CTNND2: variants seen among roughly 807,000 people sequenced by gnomAD.
CTNND2 encodes the protein catenin delta-2.
CTNND2 carries 22 observed loss-of-function variants against 144.4 expected under a neutral mutation model. The ratio of observed to expected loss-of-function variants is 0.15; its 90% CI spans 0.11 to 0.22. The LOEUF is 0.22. Among genes scored for constraint, CTNND2 ranks in the 10% least tolerant of loss-of-function variants. The pLI is 1.00. For synonymous variants in CTNND2, 751 were observed against 695.6 expected, an observed-to-expected ratio of 1.08 and a Z score of -1.25; for missense variants, 1,353 against 1,618.8, an observed-to-expected ratio of 0.84 and a Z score of 2.82.
At chr5:11,452,270 C>T (rs1052213732) in intron 3 of CTNND2, among the ~76,000 whole-genome samples, 8 of 152,232 alleles carry the variant, frequency 5.3e-5, no homozygotes, top group Middle Eastern at 3.4e-3. Flanking sequence ...ATAGTTTTAT[C>T]ACAAGTCCCT....
At chr5:11,499,303 T>C (rs887270074) in intron 3 of CTNND2, among the ~76,000 whole-genome samples, 8 of 152,220 alleles carry the variant, frequency 5.3e-5, no homozygotes, top group Non-Finnish European at 1.2e-4. Flanking sequence ...CTTGTCCACA[T>C]TCTAGATGAG....
rs1753652716 is a variant in CTNND2, at chr5:11,117,328, A to G, written c.2277+122T>C. 17 of 747,304 alleles carry G rather than the reference A, an allele frequency of 2.3e-5. No homozygotes were observed. In the South Asian group the frequency reaches 2.6e-4, roughly 12 times the overall value. The allele number at this position is 747,304 out of a possible 1,614,324, so 46.3% of individuals were successfully genotyped here. On this transcript the variant is annotated intron_variant, in intron 13 of 21. Coordinates refer to ENST00000304623, the MANE Select transcript of CTNND2 (RefSeq NM_001332.4). ...AGTGTTGGATTCTTATAAGGAAACC[A>G]GGAGAGAGTTCAGAAGGAAAGTCTG...
At chr5:11,662,630 A>T (rs1031141663) in intron 2 of CTNND2, among the ~76,000 whole-genome samples, 1 of 152,052 alleles carries the variant, frequency 6.6e-6, no homozygotes, top group Non-Finnish European at 1.5e-5. Context: ...ACACCCTCAC[A>T]GACTCACTCA....
chr5:11,192,173 T>C (rs1736335303), intron 11 of CTNND2, among the ~76,000 whole-genome samples: 1 of 152,266 alleles, frequency 6.6e-6, no homozygotes, highest in African/African-American at 2.4e-5. Flanking sequence ...GAAGAGACAA[T>C]GGGAATCGAG....
At chr5:11,264,785 G>T (rs1248401071) in intron 9 of CTNND2, among the ~76,000 whole-genome samples, 1 of 152,110 alleles carries the variant, frequency 6.6e-6, no homozygotes, top group Non-Finnish European at 1.5e-5. Flanking sequence ...CAAAAAATTA[G>T]CCAGGCATGA....
chr5:11,321,206 T>TTA (rs1370632018), intron 9 of CTNND2, among the ~76,000 whole-genome samples: 2 of 152,206 alleles, frequency 1.3e-5, no homozygotes, highest in African/African-American at 4.8e-5. Context: ...GGATAATGTT[T>TTA]TATACAACAG....
intron 1 of CTNND2, among the ~76,000 whole-genome samples, chr5:11,873,520 A>G (rs1187326635): frequency 1.3e-5 from 2 of 152,170 alleles, no homozygotes; most frequent in Non-Finnish European, 2.9e-5. Context: ...AAGAGATTTT[A>G]TTGACCGTCT....
intron 2 of CTNND2, among the ~76,000 whole-genome samples, chr5:11,612,712 C>G (rs771408151): frequency 1.3e-5 from 2 of 151,986 alleles, no homozygotes; most frequent in Non-Finnish European, 2.9e-5. Context: ...CCGGCCTGGG[C>G]AACATACTGA....
chr5:11,037,532 C>A (rs971536513), intron 16 of CTNND2, among the ~76,000 whole-genome samples: 1 of 152,192 alleles, frequency 6.6e-6, no homozygotes, highest in African/African-American at 2.4e-5. Flanking sequence ...CTTGTTTGCA[C>A]TGGAGGCAGA....
intron 3 of CTNND2, among the ~76,000 whole-genome samples, chr5:11,435,335 G>A (rs1297659259): frequency 1.3e-5 from 2 of 151,784 alleles, no homozygotes; most frequent in East Asian, 1.9e-4. Context: ...GTAGAGATGG[G>A]GTTTCACCGT....
At chr5:11,614,490 T>C (rs1024876292) in intron 2 of CTNND2, among the ~76,000 whole-genome samples, 1 of 152,200 alleles carries the variant, frequency 6.6e-6, no homozygotes, top group Non-Finnish European at 1.5e-5. Context: ...TTTTGGAAAA[T>C]AATTTGGCAT....
intron 3 of CTNND2, among the ~76,000 whole-genome samples, chr5:11,421,340 C>T (rs1202588387): frequency 3.9e-5 from 6 of 152,138 alleles, no homozygotes; most frequent in Non-Finnish European, 7.3e-5. Flanking sequence ...TGTGACTTTC[C>T]AGCTGTCACC....
At chr5:11,027,018 A>G (rs1680263012) in intron 16 of CTNND2, among the ~76,000 whole-genome samples, 1 of 152,224 alleles carries the variant, frequency 6.6e-6, no homozygotes, top group South Asian at 2.1e-4. Flanking sequence ...AAAATTAGTT[A>G]TATTACTTAT....
chr5:11,521,567 T>A (rs1434573454), intron 3 of CTNND2, among the ~76,000 whole-genome samples: 1 of 152,212 alleles, frequency 6.6e-6, no homozygotes, highest in Non-Finnish European at 1.5e-5. Flanking sequence ...ATAGTCAACA[T>A]TTAACTTGGG....
rs542001858 is a variant in CTNND2, at chr5:11,183,796, T to C, written c.1975+15652A>G. On this transcript the variant is annotated intron_variant, in intron 11 of 21. Coordinates refer to ENST00000304623, the MANE Select transcript of CTNND2 (RefSeq NM_001332.4). ...CTGGTCTCGAACCCCTGACCTCAAG[T>C]GATCCAATTGCCTCGGCCTCCCAAA... is the stretch of plus-strand genomic sequence containing the variant. 2.6e-5 allele frequency among the ~76,000 whole-genome samples: 4 copies of C among 152,228 alleles called. No individual in the cohort carries two copies. In the East Asian group the frequency reaches 7.7e-4, roughly 29 times the overall value.
chr5:11,436,509 A>T (rs1763789383), intron 3 of CTNND2, among the ~76,000 whole-genome samples: 1 of 152,180 alleles, frequency 6.6e-6, no homozygotes, highest in Admixed American at 6.5e-5. Flanking sequence ...CAGTATTTTG[A>T]AGTATTTTTA....
At chr5:11,460,766 C>G (rs1766132688) in intron 3 of CTNND2, among the ~76,000 whole-genome samples, 1 of 152,104 alleles carries the variant, frequency 6.6e-6, no homozygotes, top group African/African-American at 2.4e-5. Flanking sequence ...TTAAATTGCA[C>G]TCTGGCCAGG....
At chr5:11,208,918 A>T (rs1466288729) in intron 10 of CTNND2, among the ~76,000 whole-genome samples, 2 of 152,198 alleles carry the variant, frequency 1.3e-5, no homozygotes, top group African/African-American at 4.8e-5. Context: ...TATTGGCTGT[A>T]AAGTGATATC....
chr5:11,026,309 C>T (rs1742816981), intron 16 of CTNND2, among the ~76,000 whole-genome samples: 1 of 151,404 alleles, frequency 6.6e-6, no homozygotes, highest in South Asian at 2.1e-4. Flanking sequence ...CACCAGTAAC[C>T]ACTGCAAATA....
Sources: allele counts gnomAD v4.1 joint callset (sites outside exome capture counted in the v4.1 genomes callset), GRCh38; gene constraint gnomAD v4.1.1; transcripts MANE v1.5; gene names NCBI Gene and HGNC (gene_info 2026-07-23, HGNC 2026-07-21).